Variants in AMBN observed in about 807,000 individuals in gnomAD.
AMBN encodes the protein enamel matrix protein.
AMBN carries 54 observed loss-of-function variants against 48.0 expected under a neutral mutation model. That is an observed-to-expected ratio of 1.12 (90% confidence interval 0.90 to 1.41). The LOEUF is 1.41. AMBN is among the 40% of genes most tolerant of loss of function. The pLI is 0.00. For missense variants in AMBN, 571 were observed against 547.3 expected (o/e 1.04, Z -0.43); for synonymous variants, 186 against 190.0 (o/e 0.98, Z 0.17).
chr4:70,606,940 T>C lies in AMBN; in HGVS notation c.*210T>C, dbSNP rs542112970. On this transcript the variant is annotated 3_prime_UTR_variant, in exon 13 of 13. Transcript: ENST00000322937. ...TGAAATAAAATGTGTCAATTGTCTC[T>C]GTGATTTAGAAACACTATTAATAAC... 22 of 574,326 alleles carry C rather than the reference T, an allele frequency of 3.8e-5. No homozygotes were observed. The East Asian group carries it at 5.2e-4, about 14-fold the overall frequency. The allele number at this position is 574,326 out of a possible 1,614,324, so 35.6% of individuals were successfully genotyped here. A position where few individuals can be genotyped will look rare whatever the true frequency, so the allele number is the denominator to read the frequency against.
At chr4:70,599,371 G>C (rs1737464151) in intron 4 of AMBN, among the ~76,000 whole-genome samples, 165 bp from the exon 5 acceptor site, 1 of 151,766 alleles carries the variant, frequency 6.6e-6, no homozygotes, top group African/African-American at 2.4e-5. Context: ...AACCCGGGAG[G>C]TGGAGGATGC....
chr4:70,595,824 G>A (rs1181197482), intron 2 of AMBN, among the ~76,000 whole-genome samples: 1 of 152,004 alleles, frequency 6.6e-6, no homozygotes, highest in Non-Finnish European at 1.5e-5. Flanking sequence ...ATAAGGATTG[G>A]TTTCAAAAGA....
chr4:70,595,475 G>A (rs1737367041), intron 2 of AMBN, among the ~76,000 whole-genome samples: 1 of 151,852 alleles, frequency 6.6e-6, no homozygotes, highest in African/African-American at 2.4e-5. Flanking sequence ...GAGCCACCAT[G>A]CCTGGCCCTT....
At chr4:70,598,458 A>G in intron 4 of AMBN, 55 bp downstream of exon 4, 1 of 1,388,076 alleles carries the variant, frequency 7.2e-7, no homozygotes, top group Non-Finnish European at 9.9e-7. Flanking sequence ...TAATATTAGC[A>G]GCAGCATTAT....
Position 70,601,446 on chromosome 4 carries a change from C to G in AMBN, c.323C>G (p.Pro108Arg). Residue 108 changes from proline to arginine, a missense_variant, in exon 6 of 13, where the codon CCA becomes CGA. Coordinates refer to ENST00000322937, the MANE Select transcript of AMBN (RefSeq NM_016519.6). ...QYEYSLPVHP[P>R]PLPSQPSLKP... is the part of the protein sequence containing the mutation. ...GAATATTCTTTGCCTGTGCATCCCC[C>G]ACCTCTCCCATCACAGCCATCCTTG... 6.2e-7 allele frequency: 1 copy of G among 1,614,168 alleles called. No homozygotes were observed. The highest frequency in any genetic ancestry group is 8.5e-7 in the Non-Finnish European group (1 of 1,179,976).
rs967593565 is a variant in AMBN at position 70,599,479 on chromosome 4, C to A, written c.184-57C>A. ...AAAGGAAAAGGAAAACCAAATATAACCAATGTTATATTTAACATTTAAATA... is the reference window on the plus strand; with the variant it reads ...AAAGGAAAAGGAAAACCAAATATAAACAATGTTATATTTAACATTTAAATA... On this transcript the variant is annotated intron_variant, in intron 4 of 12. Transcript: ENST00000322937. 103 of 1,277,066 alleles carry A rather than the reference C, an allele frequency of 8.1e-5. 1 individual carries two copies. The Middle Eastern group carries it at 1.3e-3, about 17-fold the overall frequency. 79.1% of individuals were successfully genotyped at this position (1,277,066 alleles called of 1,614,324 possible).
At chr4:70,600,629 G>T (rs924315002) in intron 5 of AMBN, among the ~76,000 whole-genome samples, 3 of 152,122 alleles carry the variant, frequency 2.0e-5, no homozygotes, top group African/African-American at 7.2e-5. Flanking sequence ...CTTCCTTGCT[G>T]GTCTGAGGAG....
intron 3 of AMBN, 53 bp downstream of exon 3, chr4:70,597,102 G>A (rs1737401944): frequency 2.7e-6 from 4 of 1,494,872 alleles, no homozygotes; most frequent in Non-Finnish European, 3.7e-6. Flanking sequence ...TATATTTGTG[G>A]TACAGGAGAA....
At chr4:70,596,401 TTTTA>T (rs1450837754) in intron 2 of AMBN, among the ~76,000 whole-genome samples, 1 of 152,196 alleles carries the variant, frequency 6.6e-6, no homozygotes, top group Non-Finnish European at 1.5e-5. Flanking sequence ...CTAGAATGCT[TTTTA>T]TTTAAGGGAA....
At chr4:70,601,676 C>A in intron 6 of AMBN, 22 bp downstream of exon 6, 1 of 1,606,266 alleles carries the variant, frequency 6.2e-7, no homozygotes, top group Non-Finnish European at 8.5e-7. Flanking sequence ...CTCTTGAAGT[C>A]AGATCAGAAT....
At position 70,592,335 on chromosome 4, in the gene AMBN, C is replaced by T; in HGVS notation, c.-24C>T. ...TTCTTAGAACTATCTTGGTTGGCAT[C>T]ATCAGGCCCTGAGAGCACAGTGCAT... is the stretch of plus-strand genomic sequence containing the variant. On this transcript the variant is annotated 5_prime_UTR_variant, in exon 1 of 13. Coordinates refer to ENST00000322937, the MANE Select transcript of AMBN (RefSeq NM_016519.6). 6.2e-7 allele frequency: 1 copy of T among 1,613,760 alleles called. No individual in the cohort carries two copies. Among genetic ancestry groups the T allele is most frequent in the Non-Finnish European group, 8.5e-7 (1 of 1,179,756 alleles).
At chr4:70,600,256 C>T (rs1737487336) in intron 5 of AMBN, among the ~76,000 whole-genome samples, 1 of 151,942 alleles carries the variant, frequency 6.6e-6, no homozygotes, top group African/African-American at 2.4e-5. Flanking sequence ...CTGCAGTGAG[C>T]CGAGATTGTG....
At chr4:70,602,032 G>A (rs1737532563) in intron 6 of AMBN, 1 of 424,356 alleles carries the variant, frequency 2.4e-6, no homozygotes, top group Non-Finnish European at 4.6e-6. Flanking sequence ...TAACAAGTAG[G>A]ATTTTGCATT....
At chr4:70,593,847 G>C (rs912153579) in intron 2 of AMBN, among the ~76,000 whole-genome samples, 1 of 143,604 alleles carries the variant, frequency 7.0e-6, no homozygotes, top group African/African-American at 2.7e-5. Flanking sequence ...CCTGGGTGAC[G>C]GAGTGAGACT....
chr4:70,596,388 G>A (rs1247557187), intron 2 of AMBN, among the ~76,000 whole-genome samples: 1 of 151,398 alleles, frequency 6.6e-6, no homozygotes, highest in Non-Finnish European at 1.5e-5. Context: ...ATAGTATTTT[G>A]TGCTAGAATG....
chr4:70,605,623 T>TA (rs1462841998), intron 12 of AMBN, among the ~76,000 whole-genome samples: 2 of 152,068 alleles, frequency 1.3e-5, no homozygotes, highest in South Asian at 2.1e-4. Context: ...CTTTGTGCTT[T>TA]AAAAAAATTA....
At position 70,596,985 on chromosome 4, in the gene AMBN, T is replaced by C. The variant is rs1426593335; in HGVS notation, c.85-14T>C. On this transcript the variant is annotated splice_polypyrimidine_tract_variant and intron_variant, in intron 2 of 12. Coordinates refer to ENST00000322937, the MANE Select transcript of AMBN (RefSeq NM_016519.6). ...GTACCAATAAGACTCAAAATTATTC[T>C]TATTTTCATTCAGTTCTTTCCTCAG... 1 of 1,612,522 alleles carries C rather than the reference T, an allele frequency of 6.2e-7. No homozygotes were observed. Among genetic ancestry groups the C allele is most frequent in the South Asian group, 1.1e-5 (1 of 90,886 alleles).
intron 12 of AMBN, among the ~76,000 whole-genome samples, chr4:70,604,758 T>C (rs7658448): frequency 0.53 from 80,187 of 151,394 alleles, 21,345 homozygotes; most frequent in Admixed American, 0.56. Context: ...TTTGGGAGGC[T>C]GAAGCGGATG....
chr4:70,593,317 T>C lies in AMBN; in HGVS notation c.16-10T>C, dbSNP rs1175680212. 6.3e-7 allele frequency: 1 copy of C among 1,592,118 alleles called. No homozygotes were observed. The highest frequency in any genetic ancestry group is 1.1e-5 in the South Asian group (1 of 88,766). ...ATCTGATTTAATTCTCCAACTTAAT[T>C]ATGTTTTAGATTCCACTTTTCAAAA... On this transcript the variant is annotated splice_polypyrimidine_tract_variant and intron_variant, in intron 1 of 12. Coordinates refer to ENST00000322937, the MANE Select transcript of AMBN (RefSeq NM_016519.6).
Sources: gnomAD v4.1 joint callset for allele counts (sites outside exome capture counted in the v4.1 genomes callset) on GRCh38, gnomAD v4.1.1 for gene constraint, MANE v1.5 for transcripts, NCBI Gene and HGNC (gene_info 2026-07-23, HGNC 2026-07-21) for gene names.